Variants in USP9X observed in about 807,000 individuals in gnomAD.
The protein encoded by USP9X is ubiquitin carboxyl-terminal hydrolase 9X.
Under a neutral mutation model 190.3 loss-of-function variants are expected in USP9X, and 7 were observed. The ratio of observed to expected loss-of-function variants is 0.04; its 90% CI spans 0.02 to 0.07. The LOEUF is 0.07. Among genes scored for constraint, USP9X ranks in the 10% least tolerant of loss-of-function variants. USP9X has a pLI of 1.00. For missense variants in USP9X, 1,010 were observed against 1,916.9 expected, an observed-to-expected ratio of 0.53 and a Z score of 8.83; for synonymous variants, 645 against 659.5, an observed-to-expected ratio of 0.98 and a Z score of 0.34.
rs1459873935 is a variant in USP9X, at chrX:41,153,098, A to G, written c.1897+17A>G. The G allele has an allele frequency of 1.7e-6, 2 of 1,179,612 alleles. No homozygotes were observed. The highest frequency in any genetic ancestry group is 3.6e-5 in the African/African-American group (2 of 56,057). On this transcript the variant is annotated intron_variant, in intron 14 of 44. Coordinates refer to ENST00000378308, the MANE Select transcript of USP9X (RefSeq NM_001039591.3). ...ATGCTAGAGGTATGTATTGTAAGCT[A>G]AAATAAACTATGGGAAATAGCAGGG...
chrX:41,157,693 A>G (rs756397618), intron 14 of USP9X, among the ~76,000 whole-genome samples: 1 of 111,711 alleles, frequency 9.0e-6, no homozygotes, highest in East Asian at 2.8e-4. Flanking sequence ...TTGTTGTTGC[A>G]TATCTAACAT....
intron 1 of USP9X, among the ~76,000 whole-genome samples, chrX:41,087,054 A>T (rs1014639287): frequency 8.9e-6 from 1 of 112,845 alleles, no homozygotes; most frequent in Non-Finnish European, 1.9e-5. Flanking sequence ...TAAATTAAGC[A>T]TGTTATTTTT....
chrX:41,091,496 A>G (rs1390292763), intron 1 of USP9X, among the ~76,000 whole-genome samples: 2 of 112,470 alleles, frequency 1.8e-5, no homozygotes, highest in Non-Finnish European at 3.8e-5. Flanking sequence ...TTCTATCTTT[A>G]AGGTTAGTGG....
At chrX:41,230,786 A>G in intron 44 of USP9X, among the ~76,000 whole-genome samples, 190 bp downstream of exon 44, 2 of 111,441 alleles carry the variant, frequency 1.8e-5, no homozygotes. Context: ...GAACTTAACC[A>G]CTGTAGGGTT....
At chrX:41,209,153 G>A (rs777020146) in intron 32 of USP9X, among the ~76,000 whole-genome samples, 2 of 111,409 alleles carry the variant, frequency 1.8e-5, no homozygotes, top group East Asian at 5.6e-4. Context: ...ATATAATAAC[G>A]ATTTTTAATC....
intron 1 of USP9X, among the ~76,000 whole-genome samples, chrX:41,113,828 AATCT>A (rs1319478986): frequency 8.9e-6 from 1 of 112,530 alleles, no homozygotes; most frequent in Non-Finnish European, 1.9e-5. Flanking sequence ...TGTAGATAAT[AATCT>A]ATTTACTACC....
At chrX:41,214,355 T>TA (rs762111762) in intron 33 of USP9X, among the ~76,000 whole-genome samples, 86 of 111,493 alleles carry the variant, frequency 7.7e-4, no homozygotes, top group African/African-American at 2.6e-3. Flanking sequence ...TTCTATGACT[T>TA]ACGGGTTTCG....
chrX:41,154,097 C>T (rs188329174), intron 14 of USP9X, among the ~76,000 whole-genome samples: 52 of 111,471 alleles, frequency 4.7e-4, no homozygotes, highest in Non-Finnish European at 7.9e-4. Context: ...TCTGATACTC[C>T]CAGTGATAGT....
intron 1 of USP9X, among the ~76,000 whole-genome samples, chrX:41,100,693 C>T (rs1174732080): frequency 9.0e-6 from 1 of 111,240 alleles, no homozygotes; most frequent in African/African-American, 3.3e-5. Flanking sequence ...GTCACCTGAG[C>T]TGGAGTGCAA....
In USP9X at chrX:41,232,433, A is replaced by G; in HGVS notation, c.7574A>G (p.His2525Arg). 1 of 1,211,545 alleles carries G rather than the reference A, an allele frequency of 8.3e-7. No individual in the cohort carries two copies. ...GQPYTGPAAH[H>R]MNNPQRTGQR... The stretch of plus-strand genomic sequence containing the variant: ...CCATATACAGGCCCAGCAGCACATC[A>G]CATGAACAACCCTCAGAGAACTGGC... The change falls in exon 45 of 45, where the codon CAC becomes CGC. Residue 2525 changes from histidine (H) to arginine (R), a missense_variant. By Grantham distance (29) the His-to-Arg change is conservative. Transcript: ENST00000378308.
rs1215438293 is a variant in USP9X at position 41,184,655 on chromosome X, G to A, written c.3538G>A (p.Gly1180Ser). The A allele has an allele frequency of 2.5e-6, 3 of 1,208,983 alleles. No homozygotes were observed. The highest frequency in any genetic ancestry group is 1.8e-5 in the South Asian group (1 of 56,674). ...VAEACQPGVE[G>S]VNPMTQINQV... is the part of the protein sequence containing the mutation. ...AGAAGCTTGTCAGCCAGGTGTAGAA[G>A]GTGTGAATCCCATGACACAGGTAAT... is the stretch of plus-strand genomic sequence containing the variant. Residue 1180 changes from glycine to serine, a missense_variant, in exon 23 of 45, where the codon GGT (glycine) becomes AGT (serine). Transcript: ENST00000378308.
intron 13 of USP9X, among the ~76,000 whole-genome samples, chrX:41,151,709 G>A (rs1224188497): frequency 8.9e-6 from 1 of 112,535 alleles, no homozygotes; most frequent in Non-Finnish European, 1.9e-5. Flanking sequence ...GGCCTGGTGC[G>A]GTGGCTCACG....
At chrX:41,120,001 C>CGCT (rs1214263520) in intron 1 of USP9X, among the ~76,000 whole-genome samples, 1 of 91,852 alleles carries the variant, frequency 1.1e-5, no homozygotes, top group East Asian at 5.1e-4. Context: ...TTAAATCAGA[C>CGCT]TTTTTCATTT....
At chrX:41,170,413 T>C in intron 19 of USP9X, 57 bp from the exon 20 acceptor site, 1 of 1,167,129 alleles carries the variant, frequency 8.6e-7, no homozygotes, top group South Asian at 1.9e-5. Context: ...CTAAGTTTTG[T>C]GTTTTGTGTA....
chrX:41,178,160 G>T (rs1367082470), intron 21 of USP9X, among the ~76,000 whole-genome samples: 2 of 95,042 alleles, frequency 2.1e-5, no homozygotes, highest in African/African-American at 8.0e-5. Context: ...TAGTGCAGTG[G>T]CGTGATTTCG....
At chrX:41,097,041 C>CTG (rs113827760) in intron 1 of USP9X, among the ~76,000 whole-genome samples, 21,217 of 110,636 alleles carry the variant, frequency 0.19, 1,588 homozygotes, top group Admixed American at 0.26. Flanking sequence ...CTTGTTTCTC[C>CTG]TGTGTGGTCT....
In USP9X at chrX:41,085,829, C is replaced by T. The variant is rs980897429; in HGVS notation, c.-439C>T. The T allele has an allele frequency of 3.4e-6, 1 of 297,067 alleles. No individual in the cohort carries two copies. The highest frequency in any genetic ancestry group is 5.9e-6 in the Non-Finnish European group (1 of 170,411). The allele number at this position is 297,067 out of a possible 1,213,427, so 24.5% of individuals were successfully genotyped here. A position where few individuals can be genotyped will look rare whatever the true frequency, so the allele number is the denominator to read the frequency against. On this transcript the variant is annotated 5_prime_UTR_variant, in exon 1 of 45. Coordinates refer to ENST00000378308, the MANE Select transcript of USP9X (RefSeq NM_001039591.3). ...AGCCCGTCTGAGCTCAGCGAGAGCCCCAGCCTGAGGGGAGAAGGGGAAGAG... is the reference window on the plus strand; with the variant it reads ...AGCCCGTCTGAGCTCAGCGAGAGCCTCAGCCTGAGGGGAGAAGGGGAAGAG...
chrX:41,189,635 A>G (rs929204090), intron 26 of USP9X, 160 bp downstream of exon 26: 3 of 442,098 alleles, frequency 6.8e-6, no homozygotes, highest in Non-Finnish European at 1.1e-5. Context: ...CTTAACCTAA[A>G]TGTTTGGTTT....
At chrX:41,167,402 C>T in intron 16 of USP9X, 80 bp from the exon 17 acceptor site, 1 of 751,612 alleles carries the variant, frequency 1.3e-6, no homozygotes, top group Non-Finnish European at 2.0e-6. Flanking sequence ...TTTAAGATAA[C>T]TGAGGATATG....
Sources: gnomAD v4.1 joint callset for allele counts (sites outside exome capture counted in the v4.1 genomes callset) on GRCh38, gnomAD v4.1.1 for gene constraint, MANE v1.5 for transcripts, NCBI Gene and HGNC (gene_info 2026-07-23, HGNC 2026-07-21) for gene names.